Variants in SCAI observed in about 807,000 individuals in gnomAD.
SCAI encodes protein SCAI.
Under a neutral mutation model 92.2 loss-of-function variants are expected in SCAI, and 24 were observed. The observed-to-expected ratio is 0.26, with a 90% CI of 0.19 to 0.37. SCAI has a LOEUF of 0.37. Ranked by LOEUF, SCAI falls within the 10% of genes least tolerant of loss-of-function variation. The pLI, the probability that SCAI is intolerant of heterozygous loss-of-function variation, is 1.00. For synonymous variants in SCAI, 261 were observed against 258.6 expected (o/e 1.01, Z -0.09); for missense variants, 450 against 736.2 (o/e 0.61, Z 4.50).
intron 2 of SCAI, among the ~76,000 whole-genome samples, chr9:125,116,886 ATGTC>A (rs1381232697): frequency 1.3e-5 from 2 of 152,196 alleles, no homozygotes; most frequent in Non-Finnish European, 2.9e-5. Flanking sequence ...AAAATAAAGA[ATGTC>A]TGAACTCTCA....
At chr9:125,138,709 C>G (rs1588258562) in intron 2 of SCAI, among the ~76,000 whole-genome samples, 1 of 152,004 alleles carries the variant, frequency 6.6e-6, no homozygotes. Context: ...CCATCGTGCC[C>G]GGCCCAATTT....
At chr9:125,125,930 AC>A (rs1446517893) in intron 2 of SCAI, among the ~76,000 whole-genome samples, 40 of 151,256 alleles carry the variant, frequency 2.6e-4, no homozygotes, top group African/African-American at 9.5e-4. Context: ...ACACACACAC[AC>A]ACACACACAC....
intron 9 of SCAI, among the ~76,000 whole-genome samples, chr9:125,008,442 T>C (rs1463075810): frequency 1.3e-5 from 2 of 152,212 alleles, no homozygotes; most frequent in African/African-American, 4.8e-5. Flanking sequence ...GCCTGATATT[T>C]GTATTTTTTG....
chr9:125,071,315 C>G (rs1833975210), intron 2 of SCAI, among the ~76,000 whole-genome samples: 1 of 152,182 alleles, frequency 6.6e-6, no homozygotes, highest in African/African-American at 2.4e-5. Flanking sequence ...GGAAGGATCA[C>G]TTGAGCCCAG....
intron 9 of SCAI, among the ~76,000 whole-genome samples, chr9:125,007,102 G>C (rs904562877): frequency 3.3e-5 from 5 of 152,146 alleles, no homozygotes; most frequent in Admixed American, 6.6e-5. Flanking sequence ...CTGGGTGACA[G>C]AGCAAGACTG....
chr9:125,060,201 G>C (rs966795253), intron 2 of SCAI, among the ~76,000 whole-genome samples: 3 of 150,480 alleles, frequency 2.0e-5, no homozygotes, highest in Non-Finnish European at 4.4e-5. Context: ...ACTCTGAATT[G>C]AGATGTGCTA....
intron 6 of SCAI, among the ~76,000 whole-genome samples, chr9:125,025,755 G>C (rs1832954076): frequency 6.6e-6 from 1 of 152,192 alleles, no homozygotes; most frequent in Non-Finnish European, 1.5e-5. Context: ...AGACAAGTCT[G>C]AACAAGACAT....
Position 124,948,030 on chromosome 9 carries a change from A to G in SCAI, c.*4777T>C, listed in dbSNP as rs1043419457. 1 of 152,204 alleles carries G rather than the reference A, an allele frequency of 6.6e-6. No homozygotes were observed. The highest frequency in any genetic ancestry group is 1.5e-5 in the Non-Finnish European group (1 of 68,040). The allele number at this position is 152,204 out of a possible 1,614,324, so 9.4% of individuals were successfully genotyped here. A position where few individuals can be genotyped will look rare whatever the true frequency, so the allele number is the denominator to read the frequency against. The stretch of plus-strand genomic sequence containing the variant: ...TGCTTCTCAGAGACAGAAAGTTACT[A>G]TATCACACATGTCAGAGATTAAACT... On this transcript the variant is annotated 3_prime_UTR_variant, in exon 18 of 18. Transcript: ENST00000336505.
chr9:125,093,137 G>C (rs1259349477), intron 2 of SCAI, among the ~76,000 whole-genome samples: 2 of 152,156 alleles, frequency 1.3e-5, no homozygotes, highest in African/African-American at 4.8e-5. Flanking sequence ...AAGGTGGGTG[G>C]ATCACTTGAG....
chr9:125,089,711 T>C (rs1834392361), intron 2 of SCAI, among the ~76,000 whole-genome samples: 1 of 152,104 alleles, frequency 6.6e-6, no homozygotes, highest in Non-Finnish European at 1.5e-5. Context: ...TTGTTTGTTT[T>C]GTTTTAAGAG....
intron 2 of SCAI, among the ~76,000 whole-genome samples, chr9:125,063,384 GAAA>G (rs57488794): frequency 4.0e-5 from 4 of 99,630 alleles, no homozygotes; most frequent in Non-Finnish European, 2.2e-5. Flanking sequence ...CTCAAAGGAG[GAAA>G]AAAAAAAAAA....
chr9:125,101,407 G>C (rs1489254278), intron 2 of SCAI, among the ~76,000 whole-genome samples: 2 of 152,176 alleles, frequency 1.3e-5, no homozygotes, highest in Non-Finnish European at 2.9e-5. Flanking sequence ...ATATTTCCTA[G>C]AGATAGAGCT....
At chr9:124,991,954 TCA>T (rs1318704155) in intron 14 of SCAI, among the ~76,000 whole-genome samples, 1 of 152,234 alleles carries the variant, frequency 6.6e-6, no homozygotes, top group South Asian at 2.1e-4. Flanking sequence ...TGTTGCTCTC[TCA>T]CTCAGGCTGG....
intron 2 of SCAI, among the ~76,000 whole-genome samples, chr9:125,134,857 G>T (rs1039178062): frequency 6.6e-6 from 1 of 151,870 alleles, no homozygotes; most frequent in African/African-American, 2.4e-5. Context: ...TGTATTTTTA[G>T]TAGAGACGGG....
rs540441315 is a variant in SCAI at position 125,083,638 on chromosome 9, C to T, written c.99-27631G>A. Among the ~76,000 whole-genome samples the T allele has an allele frequency of 3.9e-5, 6 of 152,106 alleles. No individual in the cohort carries two copies. In the East Asian group the frequency reaches 9.7e-4, roughly 24 times the overall value. The stretch of plus-strand genomic sequence containing the variant: ...TTAAACCTCTTTCTTTTGTAAATTG[C>T]CCAGTCTCAGGTAGCCTTCATCAGC... On this transcript the variant is annotated intron_variant, in intron 2 of 17. Coordinates refer to ENST00000336505, the MANE Select transcript of SCAI (RefSeq NM_001144877.3).
chr9:125,039,385 CAAAAA>C (rs58716034), intron 3 of SCAI, among the ~76,000 whole-genome samples: 7 of 48,344 alleles, frequency 1.4e-4, no homozygotes, highest in Admixed American at 6.8e-4. Flanking sequence ...GACTCCATCT[CAAAAA>C]AAAAAAAAAA....
At chr9:125,043,945 T>C (rs1833383248) in intron 3 of SCAI, among the ~76,000 whole-genome samples, 1 of 152,140 alleles carries the variant, frequency 6.6e-6, no homozygotes, top group African/African-American at 2.4e-5. Flanking sequence ...GCTACCCAGC[T>C]GCAGCTTTGG....
chr9:125,101,887 A>T (rs1282717759), intron 2 of SCAI, among the ~76,000 whole-genome samples: 1 of 152,238 alleles, frequency 6.6e-6, no homozygotes, highest in Non-Finnish European at 1.5e-5. Flanking sequence ...GACTTGAATA[A>T]ACTAAACATA....
chr9:124,996,111 T>C (rs1257151576), intron 13 of SCAI, among the ~76,000 whole-genome samples: 1 of 151,760 alleles, frequency 6.6e-6, no homozygotes, highest in African/African-American at 2.4e-5. Flanking sequence ...AGGTATACAA[T>C]GTGATGACTT....
Sources: allele counts gnomAD v4.1 joint callset (sites outside exome capture counted in the v4.1 genomes callset), GRCh38; gene constraint gnomAD v4.1.1; transcripts MANE v1.5; gene names NCBI Gene and HGNC (gene_info 2026-07-23, HGNC 2026-07-21).